The following ATL1 variants were observed in gnomAD, a reference collection of about 807,000 sequenced individuals.
The protein encoded by ATL1 is atlastin GTPase 1.
ATL1 carries 31 observed loss-of-function variants against 75.5 expected under a neutral mutation model. That is an observed-to-expected ratio of 0.41 (90% CI 0.31 to 0.55). The LOEUF is 0.55. Ranked by LOEUF, ATL1 falls within the 20% of genes least tolerant of loss-of-function variation. The pLI, the probability that ATL1 is intolerant of heterozygous loss-of-function variation, is 0.27. For synonymous variants in ATL1, 226 were observed against 233.3 expected (o/e 0.97, Z 0.28); for missense variants, 405 against 662.6 (o/e 0.61, Z 4.27).
At chr14:50,631,314 G>A (rs1164902843) in intron 13 of ATL1, among the ~76,000 whole-genome samples, 4 of 151,656 alleles carry the variant, frequency 2.6e-5, no homozygotes, top group Non-Finnish European at 1.5e-5. Context: ...AAGAAAGTAG[G>A]TATAGACTCA....
intron 1 of ATL1, among the ~76,000 whole-genome samples, chr14:50,585,036 G>A (rs2039089506): frequency 6.6e-6 from 1 of 152,074 alleles, no homozygotes. Flanking sequence ...GATAAAAGGA[G>A]TACTTATCTT....
chr14:50,611,991 C>G (rs1168665492), intron 6 of ATL1, among the ~76,000 whole-genome samples: 1 of 152,056 alleles, frequency 6.6e-6, no homozygotes, highest in East Asian at 1.9e-4. Flanking sequence ...TCATGCCAGC[C>G]AAGAACTAGA....
chr14:50,574,287 T>C (rs375808085), intron 1 of ATL1, among the ~76,000 whole-genome samples: 10 of 152,340 alleles, frequency 6.6e-5, no homozygotes, highest in Middle Eastern at 3.4e-3. Context: ...ATTCTTTCTG[T>C]TAGAAGGCAA....
At chr14:50,627,248 G>A (rs2039530458) in intron 11 of ATL1, among the ~76,000 whole-genome samples, 1 of 152,144 alleles carries the variant, frequency 6.6e-6, no homozygotes, top group African/African-American at 2.4e-5. Context: ...GCAATAAAGT[G>A]TTCTTAAATT....
At chr14:50,589,966 G>A (rs1275718798) in intron 2 of ATL1, among the ~76,000 whole-genome samples, 1 of 152,062 alleles carries the variant, frequency 6.6e-6, no homozygotes, top group Non-Finnish European at 1.5e-5. Flanking sequence ...TCAAAATGGG[G>A]GTAACTACTA....
At chr14:50,547,326 G>GA (rs201867805) in intron 1 of ATL1, among the ~76,000 whole-genome samples, 125 of 150,614 alleles carry the variant, frequency 8.3e-4, no homozygotes, top group Non-Finnish European at 4.9e-4. Flanking sequence ...ATTTCCAGTT[G>GA]AAAAAAAAAT....
Position 50,595,563 on chromosome 14 carries a change from A to AT in ATL1, c.574-5dup, listed in dbSNP as rs770060099. 1.9e-6 allele frequency: 3 copies of AT among 1,608,822 alleles called. No homozygotes were observed. Among genetic ancestry groups the AT allele is most frequent in the African/African-American group, 1.3e-5 (1 of 74,080 alleles). ...CTCTCTGTGTATGTGTGTGTGTGTA[A>AT]TTTTTTTTCTAGCTTTTCACTGAGT... On this transcript the variant is annotated splice_polypyrimidine_tract_variant and intron_variant, in intron 5 of 13. Transcript: ENST00000358385.
intron 6 of ATL1, among the ~76,000 whole-genome samples, chr14:50,611,000 G>A (rs1319736276): frequency 6.6e-6 from 1 of 151,994 alleles, no homozygotes; most frequent in Admixed American, 6.6e-5. Context: ...GATTATTTCT[G>A]GACTGGGCAT....
chr14:50,605,812 T>C (rs2039312871), intron 6 of ATL1, among the ~76,000 whole-genome samples: 1 of 152,118 alleles, frequency 6.6e-6, no homozygotes, highest in Non-Finnish European at 1.5e-5. Context: ...ACAGAACTGA[T>C]AGTTCAGGAC....
chr14:50,612,314 T>C (rs1424416363), intron 6 of ATL1, among the ~76,000 whole-genome samples: 1 of 152,106 alleles, frequency 6.6e-6, no homozygotes, highest in African/African-American at 2.4e-5. Flanking sequence ...TCTCTGTTTC[T>C]TGATCTAGGT....
At chr14:50,576,007 C>T (rs945889753) in intron 1 of ATL1, among the ~76,000 whole-genome samples, 1 of 152,082 alleles carries the variant, frequency 6.6e-6, no homozygotes, top group Non-Finnish European at 1.5e-5. Flanking sequence ...AGACTATCCT[C>T]AACTTATGAT....
chr14:50,537,012 AAT>A (rs1339701650), intron 1 of ATL1, among the ~76,000 whole-genome samples: 1 of 152,268 alleles, frequency 6.6e-6, no homozygotes, highest in Non-Finnish European at 1.5e-5. Flanking sequence ...GCTGAATATT[AAT>A]TCCAAAGACA....
chr14:50,565,671 T>G, intron 1 of ATL1, among the ~76,000 whole-genome samples: 1 of 152,178 alleles, frequency 6.6e-6, no homozygotes, highest in East Asian at 1.9e-4. Context: ...GACTCAAGGG[T>G]TACACCTTTG....
At chr14:50,629,132 A>G (rs915925418) in intron 12 of ATL1, among the ~76,000 whole-genome samples, 1 of 152,256 alleles carries the variant, frequency 6.6e-6, no homozygotes, top group Non-Finnish European at 1.5e-5. Context: ...TGATTTGATT[A>G]GCATTAGCTT....
chr14:50,613,703 C>T (rs1055242508), intron 7 of ATL1, among the ~76,000 whole-genome samples: 1 of 152,100 alleles, frequency 6.6e-6, no homozygotes, highest in Admixed American at 6.6e-5. Context: ...CTTTCTGTGT[C>T]GTGCTGGTTC....
At chr14:50,578,994 A>G (rs1002446880) in intron 1 of ATL1, among the ~76,000 whole-genome samples, 2 of 152,210 alleles carry the variant, frequency 1.3e-5, no homozygotes, top group Non-Finnish European at 2.9e-5. Context: ...TGTAAATCCA[A>G]TATGTGAAAA....
At chr14:50,560,489 C>T (rs2038824957) in intron 1 of ATL1, 190 bp downstream of exon 1, 2 of 737,026 alleles carry the variant, frequency 2.7e-6, no homozygotes, top group African/African-American at 1.7e-5. Context: ...GTCACCGAAT[C>T]GCGCTGTCGG....
At chr14:50,565,872 G>C (rs1388843152) in intron 1 of ATL1, among the ~76,000 whole-genome samples, 1 of 152,166 alleles carries the variant, frequency 6.6e-6, no homozygotes, top group Non-Finnish European at 1.5e-5. Context: ...AAAATAACAT[G>C]TAAAACGTGT....
intron 8 of ATL1, among the ~76,000 whole-genome samples, chr14:50,617,549 C>G (rs1330895231): frequency 1.3e-5 from 2 of 152,114 alleles, no homozygotes; most frequent in Admixed American, 1.3e-4. Flanking sequence ...AAATATCTTC[C>G]TTTGTTAATT....
Sources: gnomAD v4.1 joint callset for allele counts (sites outside exome capture counted in the v4.1 genomes callset) on GRCh38, gnomAD v4.1.1 for gene constraint, MANE v1.5 for transcripts, NCBI Gene and HGNC (gene_info 2026-07-23, HGNC 2026-07-21) for gene names.